DOCK4: variants seen among roughly 807,000 people sequenced by gnomAD.
DOCK4 encodes dedicator of cytokinesis protein 4.
DOCK4 carries 97 observed loss-of-function variants against 268.1 expected under a neutral mutation model. That is an observed-to-expected ratio of 0.36 (90% CI 0.31 to 0.43). DOCK4 has a LOEUF of 0.43. DOCK4 is among the 20% of genes least tolerant of loss of function. The pLI is 1.00. For missense variants in DOCK4, 2,145 were observed against 2,455.7 expected, an observed-to-expected ratio of 0.87 and a Z score of 2.67; for synonymous variants, 954 against 887.2, an observed-to-expected ratio of 1.08 and a Z score of -1.34.
At chr7:111,860,400 A>G (rs1586196112) in intron 23 of DOCK4, among the ~76,000 whole-genome samples, 2 of 152,342 alleles carry the variant, frequency 1.3e-5, no homozygotes, top group East Asian at 3.9e-4. Flanking sequence ...CATCTTATAC[A>G]TCACAGTCTC....
chr7:111,738,646 T>C (rs1795679925), intron 49 of DOCK4, among the ~76,000 whole-genome samples: 1 of 152,186 alleles, frequency 6.6e-6, no homozygotes, highest in Non-Finnish European at 1.5e-5. Context: ...CTATCAGAAA[T>C]ATGGCTCAGG....
At chr7:112,022,921 C>CT (rs1171972038) in intron 1 of DOCK4, among the ~76,000 whole-genome samples, 5 of 152,158 alleles carry the variant, frequency 3.3e-5, no homozygotes, top group African/African-American at 9.6e-5. Flanking sequence ...GCCTTTTCTT[C>CT]TTTTTTTGTT....
At chr7:111,839,439 G>T (rs1219178277) in intron 25 of DOCK4, among the ~76,000 whole-genome samples, 1 of 152,030 alleles carries the variant, frequency 6.6e-6, no homozygotes, top group Non-Finnish European at 1.5e-5. Flanking sequence ...AGTGAAATAT[G>T]CTGAAGTGGG....
chr7:111,788,391 T>C, intron 32 of DOCK4: 1 of 387,232 alleles, frequency 2.6e-6, no homozygotes, highest in South Asian at 5.6e-5. Flanking sequence ...TTTAAAATTA[T>C]CAGGCATGAA....
chr7:111,741,298 G>C (rs1795900133), intron 46 of DOCK4, 84 bp from the exon 47 acceptor site: 4 of 1,545,016 alleles, frequency 2.6e-6, no homozygotes, highest in Non-Finnish European at 3.5e-6. Context: ...AAACCAAAGG[G>C]GGGAAAATAC....
chr7:111,989,049 G>A lies in DOCK4; in HGVS notation c.430C>T (p.Arg144Cys), dbSNP rs202157965. The change falls in exon 6 of 53, where the codon CGC becomes TGC. Residue 144 changes from arginine (R) to cysteine (C), a missense_variant. This residue lies in a region of DOCK4 where 1,598 missense variants were observed against 1,986.7 expected (regional missense o/e 0.80). Transcript: ENST00000428084. ...LTHDRMKDVKRHITARLDWGN... is the reference protein window; with the variant it reads ...LTHDRMKDVKCHITARLDWGN... Reference sequence around the variant, plus strand: ...CAGTCAAGCCGGGCAGTAATGTGGCGCTTCACGTCCTTCATCCGGTCGTGG... The same window carrying A: ...CAGTCAAGCCGGGCAGTAATGTGGCACTTCACGTCCTTCATCCGGTCGTGG... 4.0e-5 allele frequency: 65 copies of A among 1,613,596 alleles called. 1 individual carries two copies. The highest frequency in any genetic ancestry group is 1.6e-4 in the Middle Eastern group (1 of 6,084).
intron 35 of DOCK4, 127 bp downstream of exon 35, chr7:111,782,737 G>C: frequency 1.9e-6 from 2 of 1,036,748 alleles, no homozygotes; most frequent in Non-Finnish European, 2.9e-6. Flanking sequence ...AAAAACACTT[G>C]TAAATTTAAA....
intron 1 of DOCK4, among the ~76,000 whole-genome samples, chr7:112,165,559 T>TGTGCGC (rs59052406): frequency 0.012 from 1,784 of 148,234 alleles, 20 homozygotes; most frequent in Middle Eastern, 0.017. Flanking sequence ...TGTGTGTGTG[T>TGTGCGC]GCGTGTGTGT....
Position 111,741,658 on chromosome 7 carries a change from A to C in DOCK4, c.4801T>G (p.Phe1601Val). The change falls in exon 46 of 53, where the codon TTC (phenylalanine) becomes GTC (valine). Residue 1601 changes from phenylalanine (F) to valine (V), a missense_variant. This residue lies in a region of DOCK4 where 1,598 missense variants were observed against 1,986.7 expected (regional missense o/e 0.80). Coordinates refer to ENST00000428084, the MANE Select transcript of DOCK4 (RefSeq NM_001363540.2). ...VMKSSLGIQE[F>V]SACMQASPVH... Reference sequence around the variant, plus strand: ...GGACTGGCTTGCATACAAGCAGAGAACTCCTAAAGATGTAGTAAAGGAAAT... The same window carrying C: ...GGACTGGCTTGCATACAAGCAGAGACCTCCTAAAGATGTAGTAAAGGAAAT... 2 of 1,611,548 alleles carry C rather than the reference A, an allele frequency of 1.2e-6. No homozygotes were observed. The highest frequency in any genetic ancestry group is 2.2e-5 in the East Asian group (1 of 44,832).
chr7:111,989,937 C>T (rs866020661), intron 5 of DOCK4, among the ~76,000 whole-genome samples: 1 of 152,292 alleles, frequency 6.6e-6, no homozygotes, highest in Middle Eastern at 3.4e-3. Flanking sequence ...AGCAACTGTG[C>T]AGAGAGCACT....
At chr7:111,793,651 G>A (rs1287552908) in intron 30 of DOCK4, among the ~76,000 whole-genome samples, 1 of 152,008 alleles carries the variant, frequency 6.6e-6, no homozygotes, top group Non-Finnish European at 1.5e-5. Flanking sequence ...ACTGTATTAG[G>A]AAAAATACTT....
At chr7:111,753,839 C>G (rs774717879) in intron 42 of DOCK4, among the ~76,000 whole-genome samples, 2 of 152,140 alleles carry the variant, frequency 1.3e-5, no homozygotes, top group Admixed American at 6.5e-5. Flanking sequence ...GTTCAGGGAA[C>G]AAAACAGCTG....
intron 1 of DOCK4, among the ~76,000 whole-genome samples, chr7:112,153,429 A>G (rs1399163289): frequency 6.6e-6 from 1 of 152,202 alleles, no homozygotes; most frequent in African/African-American, 2.4e-5. Context: ...TTTACATTTA[A>G]GGTTAATGTT....
chr7:111,934,523 GTTTTT>G (rs1183672033), intron 12 of DOCK4, among the ~76,000 whole-genome samples: 2 of 83,874 alleles, frequency 2.4e-5, no homozygotes, highest in Non-Finnish European at 5.3e-5. Flanking sequence ...TTTTGTTTTT[GTTTTT>G]TTTTTTTTTT....
chr7:111,889,336 T>C (rs1808104029), intron 16 of DOCK4, among the ~76,000 whole-genome samples: 1 of 152,134 alleles, frequency 6.6e-6, no homozygotes, highest in South Asian at 2.1e-4. Context: ...TTATAGATTA[T>C]GGTTATAGGG....
chr7:111,997,430 G>A (rs1800058769), intron 4 of DOCK4, among the ~76,000 whole-genome samples: 1 of 152,160 alleles, frequency 6.6e-6, no homozygotes, highest in South Asian at 2.1e-4. Flanking sequence ...TGGTCTCTGA[G>A]ATTCTTTAAG....
At chr7:112,011,947 T>G (rs1247501126) in intron 1 of DOCK4, among the ~76,000 whole-genome samples, 1 of 150,702 alleles carries the variant, frequency 6.6e-6, no homozygotes, top group Non-Finnish European at 1.5e-5. Flanking sequence ...CAATGTGAAT[T>G]AGATGGAGGC....
Position 111,822,403 on chromosome 7 carries a change from C to T in DOCK4, c.2889G>A (p.Met963Ile), listed in dbSNP as rs1322874475. 1 of 1,613,632 alleles carries T rather than the reference C, an allele frequency of 6.2e-7. No homozygotes were observed. ...GCATAACAGTCCAGTCCTTTGGAAA[C>T]ATCTCCGGGCGTATCAATATTCGGA... ...TVFRILIRPEMFPKDWTVMRL... is the reference protein window; with the variant it reads ...TVFRILIRPEIFPKDWTVMRL... The change falls in exon 27 of 53, where the codon ATG becomes ATA. Residue 963 changes from methionine (M) to isoleucine (I), a missense_variant. Transcript: ENST00000428084.
rs59353212 is a variant in DOCK4 at position 111,976,157 on chromosome 7, A to ATATATATATATAT, written c.701+974_701+975insATATATATATATA. Among the ~76,000 whole-genome samples the ATATATATATATAT allele has an allele frequency of 5.3e-4, 42 of 78,852 alleles. 1 individual carries two copies. Among genetic ancestry groups the ATATATATATATAT allele is most frequent in the East Asian group, 4.7e-3 (10 of 2,134 alleles). The allele number at this position is 78,852 out of a possible 152,430, so 51.7% of individuals were successfully genotyped here. On this transcript the variant is annotated intron_variant, in intron 8 of 52. Transcript: ENST00000428084. Reference sequence around the variant, plus strand: ...CTCCATCTCAAAAAAAAAAAAAAAAAAAAAATATATATATATATATACACA... The same window carrying ATATATATATATAT: ...CTCCATCTCAAAAAAAAAAAAAAAAATATATATATATATAAAAATATATATATATATATACACA...
Sources: gnomAD v4.1 joint callset for allele counts (sites outside exome capture counted in the v4.1 genomes callset) on GRCh38, gnomAD v4.1.1 for gene constraint, gnomAD v4.1.1 regional missense constraint, MANE v1.5 for transcripts, NCBI Gene and HGNC (gene_info 2026-07-23, HGNC 2026-07-21) for gene names.